Variants in PCDHGA12 observed in about 807,000 individuals in gnomAD.
The protein encoded by PCDHGA12 is protocadherin gamma-A12.
A neutral mutation model predicts 61.1 loss-of-function variants in PCDHGA12; 43 were observed. The ratio of observed to expected loss-of-function variants is 0.70; its 90% CI spans 0.55 to 0.91. The LOEUF (loss-of-function observed/expected upper bound fraction) is 0.91. Among genes scored for constraint, PCDHGA12 ranks in the 40% least tolerant of loss-of-function variants. The pLI, the probability that PCDHGA12 is intolerant of heterozygous loss-of-function variation, is 0.00. For synonymous variants in PCDHGA12, 520 were observed against 542.9 expected (o/e 0.96, Z 0.59); for missense variants, 1,236 against 1,227.7 (o/e 1.01, Z -0.10).
Position 141,490,387 on chromosome 5 carries a change from G to C in PCDHGA12, c.2425-4420G>C. 2 of 1,614,196 alleles carry C rather than the reference G, an allele frequency of 1.2e-6. No individual in the cohort carries two copies. The highest frequency in any genetic ancestry group is 1.7e-6 in the Non-Finnish European group (2 of 1,180,034). On this transcript the variant is annotated intron_variant, in intron 1 of 3. Transcript: ENST00000252085. This position sits in a 1 kb window ranked among gnomAD's most constrained non-coding sequence, Gnocchi z 5.4. ...GCGAGACCGGGACTCAGGTAGAAATGGTGAAGTGAGCCTTGATATCTCTCC... is the reference window on the plus strand; with the variant it reads ...GCGAGACCGGGACTCAGGTAGAAATCGTGAAGTGAGCCTTGATATCTCTCC...
Position 141,477,531 on chromosome 5 carries a change from C to G in PCDHGA12, c.2425-17276C>G. ...GTTTACATTGAAGAAAACAACCTCC[C>G]CGGGGCTCCAATACTAAACCTAAGT... On this transcript the variant is annotated intron_variant, in intron 1 of 3. Coordinates refer to ENST00000252085, the MANE Select transcript of PCDHGA12 (RefSeq NM_003735.3). This position sits in a 1 kb window ranked among gnomAD's most constrained non-coding sequence, Gnocchi z 4.9. The G allele has an allele frequency of 6.2e-7, 1 of 1,614,162 alleles. No homozygotes were observed. Among genetic ancestry groups the G allele is most frequent in the South Asian group, 1.1e-5 (1 of 91,086 alleles).
rs1177173734 is a variant in PCDHGA12, at chr5:141,491,741, G to T, written c.2425-3066G>T. 1.3e-6 allele frequency: 2 copies of T among 1,595,762 alleles called. No individual in the cohort carries two copies. On this transcript the variant is annotated intron_variant, in intron 1 of 3. Transcript: ENST00000252085. This position sits in a 1 kb window ranked among gnomAD's most constrained non-coding sequence, Gnocchi z 6.9. ...CCGCCCCGGGCGACCCCTGGGGGCG[G>T]CACTGGAGAAGCCGCCCGTCCTCAT... is the stretch of plus-strand genomic sequence containing the variant.
At chr5:141,505,202 T>C (rs778935321) in intron 2 of PCDHGA12, among the ~76,000 whole-genome samples, 191 bp from the exon 3 acceptor site, 3 of 152,012 alleles carry the variant, frequency 2.0e-5, no homozygotes, top group Non-Finnish European at 4.4e-5. Flanking sequence ...AAAGAGCTGG[T>C]TTGAGGGACT....
chr5:141,493,346 C>T lies in PCDHGA12; in HGVS notation c.2425-1461C>T, dbSNP rs766845200. Among the ~76,000 whole-genome samples, 5 of 152,172 alleles carry T rather than the reference C, an allele frequency of 3.3e-5. No individual in the cohort carries two copies. Among genetic ancestry groups the T allele is most frequent in the Non-Finnish European group, 7.3e-5 (5 of 68,028 alleles). On this transcript the variant is annotated intron_variant, in intron 1 of 3. Coordinates refer to ENST00000252085, the MANE Select transcript of PCDHGA12 (RefSeq NM_003735.3). The surrounding 1 kb of genome is among the most constrained non-coding windows in gnomAD (Gnocchi z 4.3). Reference sequence around the variant, plus strand: ...CCCCTGTCTAACTCCAGAATGTGTGCTTTTAATTTCTTGGCACTTGGAACT... The same window carrying T: ...CCCCTGTCTAACTCCAGAATGTGTGTTTTTAATTTCTTGGCACTTGGAACT...
Position 141,485,950 on chromosome 5 carries a change from G to A in PCDHGA12, c.2425-8857G>A. ...TGTTGGAGAGCGCACCAGCGGGCAT[G>A]GTGCTCATCCAGCTCAATGCCTCAG... On this transcript the variant is annotated intron_variant, in intron 1 of 3. Transcript: ENST00000252085. The surrounding 1 kb of genome is among the most constrained non-coding windows in gnomAD (Gnocchi z 5.7). 6.2e-7 allele frequency: 1 copy of A among 1,614,184 alleles called. No individual in the cohort carries two copies. The highest frequency in any genetic ancestry group is 8.5e-7 in the Non-Finnish European group (1 of 1,180,030).
chr5:141,508,737 C>A (rs919094477), intron 3 of PCDHGA12, among the ~76,000 whole-genome samples: 8 of 152,010 alleles, frequency 5.3e-5, no homozygotes, highest in Non-Finnish European at 1.2e-4. Flanking sequence ...CTACACCCCC[C>A]ACCCCGCTCT....
rs60063068 is a variant in PCDHGA12, at chr5:141,477,262, C to T, written c.2425-17545C>T. The T allele has an allele frequency of 1.9e-4, 313 of 1,614,138 alleles. No individual in the cohort carries two copies. In the African/African-American group the frequency reaches 3.7e-3, roughly 19 times the overall value. On this transcript the variant is annotated intron_variant, in intron 1 of 3. Coordinates refer to ENST00000252085, the MANE Select transcript of PCDHGA12 (RefSeq NM_003735.3). This position sits in a 1 kb window ranked among gnomAD's most constrained non-coding sequence, Gnocchi z 4.9. ...TCAGTGTGACTGACCTGGATGCTGG[C>T]GAGAACGGGCTGGTGACCTGCGAAG...
chr5:141,435,181 T>C (rs1249878603), intron 1 of PCDHGA12, among the ~76,000 whole-genome samples: 1 of 152,184 alleles, frequency 6.6e-6, no homozygotes, highest in African/African-American at 2.4e-5. Context: ...TTAACTACAC[T>C]TGAGATGGCT....
In PCDHGA12 at chr5:141,491,556, C is replaced by T. The variant is rs2099720720; in HGVS notation, c.2425-3251C>T. The T allele has an allele frequency of 1.2e-6, 2 of 1,613,848 alleles. No homozygotes were observed. The highest frequency in any genetic ancestry group is 1.7e-5 in the Admixed American group (1 of 60,000). ...TGCGGCCCACAGACTCGCAGAGCCA[C>T]TGCTACAGGACGTGCTTTTCACCGG... On this transcript the variant is annotated intron_variant, in intron 1 of 3. Transcript: ENST00000252085. The surrounding 1 kb of genome is among the most constrained non-coding windows in gnomAD (Gnocchi z 6.9).
intron 1 of PCDHGA12, chr5:141,478,463 G>A: frequency 6.2e-7 from 1 of 1,613,424 alleles, no homozygotes; most frequent in South Asian, 1.1e-5. Context: ...CAGTCCACTG[G>A]CCAGCCGCCA....
At chr5:141,440,115 A>G (rs921555018) in intron 1 of PCDHGA12, 4 of 152,250 alleles carry the variant, frequency 2.6e-5, no homozygotes, top group African/African-American at 4.8e-5. Flanking sequence ...TTACTTGTGA[A>G]TGACTGAATG....
chr5:141,437,782 A>C (rs1410096491), intron 1 of PCDHGA12, among the ~76,000 whole-genome samples: 1 of 151,512 alleles, frequency 6.6e-6, no homozygotes, highest in African/African-American at 2.4e-5. Context: ...TCTGTCGCCA[A>C]GCTGGAGTGC....
At chr5:141,492,312 C>G (rs1470136040) in intron 1 of PCDHGA12, among the ~76,000 whole-genome samples, 3 of 152,230 alleles carry the variant, frequency 2.0e-5, no homozygotes, top group Non-Finnish European at 4.4e-5. Context: ...CGCACGCACT[C>G]CTCGCACGTG....
At position 141,485,800 on chromosome 5, in the gene PCDHGA12, C is replaced by T. The variant is rs1231777430; in HGVS notation, c.2425-9007C>T. On this transcript the variant is annotated intron_variant, in intron 1 of 3. Coordinates refer to ENST00000252085, the MANE Select transcript of PCDHGA12 (RefSeq NM_003735.3). This position sits in a 1 kb window ranked among gnomAD's most constrained non-coding sequence, Gnocchi z 5.7. The stretch of plus-strand genomic sequence containing the variant: ...ATCGAGAGAAGCAATCGGACTACCG[C>T]CTGGTGCTGACTGCTGTCGATGGAG... 1 of 1,614,228 alleles carries T rather than the reference C, an allele frequency of 6.2e-7. No homozygotes were observed. Among genetic ancestry groups the T allele is most frequent in the East Asian group, 2.2e-5 (1 of 44,878 alleles).
chr5:141,480,380 A>C (rs1192159457), intron 1 of PCDHGA12, among the ~76,000 whole-genome samples: 3 of 151,970 alleles, frequency 2.0e-5, no homozygotes, highest in African/African-American at 4.8e-5. Context: ...GCACCACTAC[A>C]CTTCAACCAT....
At chr5:141,495,277 G>A (rs2099760037) in intron 2 of PCDHGA12, among the ~76,000 whole-genome samples, 1 of 152,168 alleles carries the variant, frequency 6.6e-6, no homozygotes, top group African/African-American at 2.4e-5. Context: ...ACCGGAGGAG[G>A]CGGTCCGCAC....
chr5:141,491,571 C>CT lies in PCDHGA12; in HGVS notation c.2425-3232dup. On this transcript the variant is annotated intron_variant, in intron 1 of 3. Coordinates refer to ENST00000252085, the MANE Select transcript of PCDHGA12 (RefSeq NM_003735.3). The surrounding 1 kb of genome is among the most constrained non-coding windows in gnomAD (Gnocchi z 6.9). ...CGCAGAGCCACTGCTACAGGACGTG[C>CT]TTTTCACCGGCCTCGGACGGCAGTG... 6.2e-7 allele frequency: 1 copy of CT among 1,614,026 alleles called. No homozygotes were observed. Among genetic ancestry groups the CT allele is most frequent in the Non-Finnish European group, 8.5e-7 (1 of 1,180,042 alleles).
chr5:141,489,238 G>A lies in PCDHGA12; in HGVS notation c.2425-5569G>A. On this transcript the variant is annotated intron_variant, in intron 1 of 3. Coordinates refer to ENST00000252085, the MANE Select transcript of PCDHGA12 (RefSeq NM_003735.3). The surrounding 1 kb of genome is among the most constrained non-coding windows in gnomAD (Gnocchi z 4.5). ...TTACTCTCCACAAAGGGACTTCTGG[G>A]TCATGGGGCCCAAGACACTCCCACA... 6.5e-7 allele frequency: 1 copy of A among 1,534,146 alleles called. No homozygotes were observed.
At chr5:141,461,820 A>AT (rs1458631685) in intron 1 of PCDHGA12, among the ~76,000 whole-genome samples, 5 of 147,814 alleles carry the variant, frequency 3.4e-5, no homozygotes, top group African/African-American at 7.5e-5. Context: ...CACCCAGCTA[A>AT]TTTTTTTTTC....
Sources: gnomAD v4.1 joint callset for allele counts (sites outside exome capture counted in the v4.1 genomes callset) on GRCh38, gnomAD v4.1.1 for gene constraint, Gnocchi (gnomAD v3.1) non-coding constraint, MANE v1.5 for transcripts, NCBI Gene and HGNC (gene_info 2026-07-23, HGNC 2026-07-21) for gene names.